The following LDB2 variants were observed in gnomAD, a reference collection of about 807,000 sequenced individuals.
The protein encoded by LDB2 is LIM domain-binding protein 2.
LDB2 carries 12 observed loss-of-function variants against 44.3 expected under a neutral mutation model. That is an observed-to-expected ratio of 0.27 (90% confidence interval 0.17 to 0.44). The LOEUF is 0.44. LDB2 is among the 20% of genes least tolerant of loss of function. LDB2 has a pLI of 1.00. For synonymous variants in LDB2, 164 were observed against 174.8 expected (o/e 0.94, Z 0.49); for missense variants, 344 against 473.5 (o/e 0.73, Z 2.54).
intron 2 of LDB2, among the ~76,000 whole-genome samples, chr4:16,618,443 G>C (rs1489489054): frequency 6.6e-6 from 1 of 152,202 alleles, no homozygotes; most frequent in Non-Finnish European, 1.5e-5. Flanking sequence ...CCTAATAAGA[G>C]TGATGCCTTG....
chr4:16,758,834 C>T (rs553977070), intron 2 of LDB2, among the ~76,000 whole-genome samples: 3 of 152,120 alleles, frequency 2.0e-5, no homozygotes, highest in South Asian at 2.1e-4. Flanking sequence ...AAGTGTGAAC[C>T]GTCAAGGATA....
At chr4:16,738,825 T>C (rs1762394782) in intron 2 of LDB2, among the ~76,000 whole-genome samples, 1 of 152,232 alleles carries the variant, frequency 6.6e-6, no homozygotes, top group South Asian at 2.1e-4. Flanking sequence ...TAAATTCTTA[T>C]CAGGGATTGT....
At chr4:16,794,481 C>A (rs541488433) in intron 1 of LDB2, among the ~76,000 whole-genome samples, 2 of 152,128 alleles carry the variant, frequency 1.3e-5, no homozygotes, top group African/African-American at 4.8e-5. Context: ...TGATGCAGGC[C>A]AAGGGTTCTG....
chr4:16,655,693 T>C (rs890090256), intron 2 of LDB2, among the ~76,000 whole-genome samples: 1 of 152,130 alleles, frequency 6.6e-6, no homozygotes, highest in Non-Finnish European at 1.5e-5. Flanking sequence ...CAGCTTGTGG[T>C]AGCCCCTCCT....
chr4:16,726,111 G>T (rs1759402791), intron 2 of LDB2, among the ~76,000 whole-genome samples: 1 of 151,606 alleles, frequency 6.6e-6, no homozygotes, highest in African/African-American at 2.4e-5. Context: ...ATCTTAAACA[G>T]AAAAATAGTA....
chr4:16,503,514 A>G (rs920448833), intron 7 of LDB2, among the ~76,000 whole-genome samples: 1 of 152,224 alleles, frequency 6.6e-6, no homozygotes, highest in African/African-American at 2.4e-5. Context: ...GATAAAAACA[A>G]TGTTCACACT....
At chr4:16,600,536 A>C (rs16893668) in intron 2 of LDB2, among the ~76,000 whole-genome samples, 2,095 of 152,308 alleles carry the variant, frequency 0.014, 52 homozygotes, top group African/African-American at 0.048. Flanking sequence ...AGAAAATCAC[A>C]CATTAAATTA....
intron 2 of LDB2, among the ~76,000 whole-genome samples, chr4:16,686,943 T>A (rs1578779565): frequency 6.6e-6 from 1 of 152,208 alleles, no homozygotes; most frequent in Admixed American, 6.5e-5. Flanking sequence ...TTAGTCTCTT[T>A]GGTCTCTTAT....
In LDB2 at chr4:16,742,261, G is replaced by A. The variant is rs1245406059; in HGVS notation, c.235+16897C>T. 3.9e-5 allele frequency among the ~76,000 whole-genome samples: 6 copies of A among 151,968 alleles called. No individual in the cohort carries two copies. The South Asian group carries it at 1.0e-3, about 26-fold the overall frequency. On this transcript the variant is annotated intron_variant, in intron 2 of 7. Coordinates refer to ENST00000304523, the MANE Select transcript of LDB2 (RefSeq NM_001290.5). ...TAATTTTTGTGTTTTTATTAGAGAC[G>A]GGGCTTCACCATGTTGGCCAGGATG...
chr4:16,893,274 C>T (rs1349976975), intron 1 of LDB2, among the ~76,000 whole-genome samples: 1 of 143,834 alleles, frequency 7.0e-6, no homozygotes, highest in Non-Finnish European at 1.5e-5. Context: ...TCATATATCT[C>T]AGAGTAGCAG....
At chr4:16,650,753 C>A (rs1021535292) in intron 2 of LDB2, among the ~76,000 whole-genome samples, 35 of 152,316 alleles carry the variant, frequency 2.3e-4, no homozygotes, top group African/African-American at 8.2e-4. Flanking sequence ...GAGGCTCCTG[C>A]TGCCATTTCA....
chr4:16,592,490 A>G (rs895448504), intron 3 of LDB2, among the ~76,000 whole-genome samples: 1 of 142,734 alleles, frequency 7.0e-6, no homozygotes, highest in East Asian at 2.0e-4. Context: ...ATATATATAT[A>G]TATATATATA....
At chr4:16,868,578 T>G (rs1554056288) in intron 1 of LDB2, among the ~76,000 whole-genome samples, 1 of 152,148 alleles carries the variant, frequency 6.6e-6, no homozygotes, top group Non-Finnish European at 1.5e-5. Flanking sequence ...CTCAGGCAGA[T>G]GGGAAAAGTT....
intron 2 of LDB2, among the ~76,000 whole-genome samples, chr4:16,738,720 C>T (rs1239245404): frequency 6.6e-6 from 1 of 152,178 alleles, no homozygotes; most frequent in East Asian, 1.9e-4. Flanking sequence ...AGACAGAGAA[C>T]ATTTGGCAAA....
intron 2 of LDB2, among the ~76,000 whole-genome samples, chr4:16,749,420 T>A (rs1271624492): frequency 4.0e-5 from 6 of 151,458 alleles, no homozygotes; most frequent in Non-Finnish European, 8.8e-5. Context: ...TAGCCGGGTG[T>A]GGTTGTGAGC....
intron 5 of LDB2, among the ~76,000 whole-genome samples, chr4:16,536,032 A>C (rs567940917): frequency 6.6e-6 from 1 of 152,268 alleles, no homozygotes; most frequent in East Asian, 1.9e-4. Context: ...TAGCACAAAA[A>C]CCCAATCCCA....
At chr4:16,757,829 C>T (rs774025316) in intron 2 of LDB2, among the ~76,000 whole-genome samples, 4 of 152,048 alleles carry the variant, frequency 2.6e-5, no homozygotes, top group Non-Finnish European at 4.4e-5. Context: ...CAGCAGGACC[C>T]CTGTGAAGTA....
intron 5 of LDB2, among the ~76,000 whole-genome samples, chr4:16,566,025 G>A (rs1227780265): frequency 1.3e-5 from 2 of 151,624 alleles, no homozygotes; most frequent in African/African-American, 2.4e-5. Context: ...AGAGACACAA[G>A]AAAGATCTCA....
intron 5 of LDB2, among the ~76,000 whole-genome samples, chr4:16,534,519 A>G (rs956441417): frequency 3.9e-5 from 6 of 152,294 alleles, no homozygotes; most frequent in Middle Eastern, 6.8e-3. Flanking sequence ...GTTCTGAGTA[A>G]TGAAAAAATG....
Sources: allele counts gnomAD v4.1 joint callset (sites outside exome capture counted in the v4.1 genomes callset), GRCh38; gene constraint gnomAD v4.1.1; transcripts MANE v1.5; gene names NCBI Gene and HGNC (gene_info 2026-07-23, HGNC 2026-07-21).